CPXM2: variants seen among roughly 807,000 people sequenced by gnomAD.
CPXM2 encodes carboxypeptidase X, M14 family member 2.
In CPXM2, 66 loss-of-function variants were observed where a neutral mutation model predicts 86.1. The observed-to-expected ratio is 0.77, with a 90% CI of 0.63 to 0.94. The LOEUF is 0.94. Ranked by LOEUF, CPXM2 falls within the 40% of genes least tolerant of loss-of-function variation. The pLI is 0.00. For missense variants in CPXM2, 948 were observed against 1,026.3 expected (o/e 0.92, Z 1.04); for synonymous variants, 388 against 400.2 (o/e 0.97, Z 0.36).
At chr10:123,835,163 C>G (rs1297889643) in intron 4 of CPXM2, among the ~76,000 whole-genome samples, 1 of 152,188 alleles carries the variant, frequency 6.6e-6, no homozygotes, top group East Asian at 1.9e-4. Context: ...GGGAAGGAGG[C>G]CCACAGCAAG....
chr10:123,893,668 A>G (rs28624661), upstream of CPXM2, among the ~76,000 whole-genome samples: 62,290 of 131,568 alleles, frequency 0.47, 14,293 homozygotes, highest in African/African-American at 0.62. Context: ...CTGGATCCCC[A>G]CCCACCCTCC....
intron 7 of CPXM2, among the ~76,000 whole-genome samples, chr10:123,772,327 T>C (rs1194584068): frequency 6.6e-6 from 1 of 151,908 alleles, no homozygotes. Context: ...TGGTCATGGT[T>C]ATCACTCCCC....
intron 2 of CPXM2, among the ~76,000 whole-genome samples, chr10:123,925,709 G>A (rs965757708): frequency 2.6e-5 from 4 of 152,060 alleles, no homozygotes; most frequent in African/African-American, 9.7e-5. Context: ...ACCACACCAT[G>A]TTTCTGTCTT....
intron 2 of CPXM2, among the ~76,000 whole-genome samples, chr10:123,936,022 C>T (rs1418216551): frequency 2.0e-3 from 2 of 976 alleles, no homozygotes; most frequent in African/African-American, 9.8e-3. Flanking sequence ...ATCATCACCA[C>T]CACCAACACC....
Position 123,797,979 on chromosome 10 carries a change from G to A in CPXM2, c.886C>T (p.Pro296Ser). 2 of 1,598,432 alleles carry A rather than the reference G, an allele frequency of 1.3e-6. No homozygotes were observed. Among genetic ancestry groups the A allele is most frequent in the Non-Finnish European group, 1.7e-6 (2 of 1,172,478 alleles). Residue 296 changes from proline (P) to serine (S), a missense_variant, in exon 6 of 14, where the codon CCA (proline) becomes TCA (serine). Pro to Ser is a moderately conservative substitution (Grantham distance 74, BLOSUM62 -1). Transcript: ENST00000241305. ...MRMEILGCPLPDPNNYYHRRN... is the reference protein window; with the variant it reads ...MRMEILGCPLSDPNNYYHRRN... Reference sequence around the variant, plus strand: ...AAGCACAGGAGGGTGAACTCACCTGGCAGTGGGCAGCCCAGGATCTCCATT... The same window carrying A: ...AAGCACAGGAGGGTGAACTCACCTGACAGTGGGCAGCCCAGGATCTCCATT...
At chr10:123,916,384 C>T (rs570168820) in intron 2 of CPXM2, among the ~76,000 whole-genome samples, 32 of 152,238 alleles carry the variant, frequency 2.1e-4, no homozygotes, top group African/African-American at 7.5e-4. Flanking sequence ...GCTTCTGTGT[C>T]CAGGTCTGCA....
At chr10:123,861,802 A>G (rs1848853785) in intron 3 of CPXM2, among the ~76,000 whole-genome samples, 1 of 152,224 alleles carries the variant, frequency 6.6e-6, no homozygotes, top group South Asian at 2.1e-4. Context: ...TAGCCCAAGG[A>G]GACGTCTGTC....
At chr10:123,931,951 G>T (rs1945669810) in intron 2 of CPXM2, among the ~76,000 whole-genome samples, 1 of 152,178 alleles carries the variant, frequency 6.6e-6, no homozygotes, top group African/African-American at 2.4e-5. Flanking sequence ...TTACTATGAA[G>T]TAAAAAGCAA....
rs978085061 is a variant in CPXM2, at chr10:123,757,123, A to C, written c.1917+90T>G. The C allele has an allele frequency of 2.5e-5, 30 of 1,223,514 alleles. No homozygotes were observed. In the Admixed American group the frequency reaches 4.1e-4, roughly 17 times the overall value. 75.8% of individuals were successfully genotyped at this position (1,223,514 alleles called of 1,614,324 possible). On this transcript the variant is annotated intron_variant, in intron 12 of 13. Coordinates refer to ENST00000241305, the MANE Select transcript of CPXM2 (RefSeq NM_198148.3). ...GCCCAGGATGACGGCCAAGGTCTGA[A>C]GCTCTAATTCCATCCCATACTTTCA...
chr10:123,887,893 G>T (rs1345898982), intron 1 of CPXM2, among the ~76,000 whole-genome samples: 1 of 152,122 alleles, frequency 6.6e-6, no homozygotes, highest in African/African-American at 2.4e-5. Flanking sequence ...CAAAATAAAA[G>T]CTTAAATAAA....
chr10:123,895,126 T>C (rs1336057881), upstream of CPXM2, among the ~76,000 whole-genome samples: 4 of 115,566 alleles, frequency 3.5e-5, no homozygotes, highest in Non-Finnish European at 5.7e-5. Flanking sequence ...TTTTTCTTTT[T>C]TTTTTTTTTT....
rs556107695 is a variant in CPXM2, at chr10:123,934,365, G to T, written n.174+5112C>A. On this transcript the variant is annotated intron_variant and non_coding_transcript_variant, in intron 2 of 19. Transcript: ENST00000368854. ...TCTGTCCCTGCCCCTCCCAGGCTCCGCTGGCTCCTGGTATCCCTTGCCTTT... is the reference window on the plus strand; with the variant it reads ...TCTGTCCCTGCCCCTCCCAGGCTCCTCTGGCTCCTGGTATCCCTTGCCTTT... 8.5e-5 allele frequency among the ~76,000 whole-genome samples: 13 copies of T among 152,074 alleles called. No individual in the cohort carries two copies. In the South Asian group the frequency reaches 2.1e-3, roughly 24 times the overall value.
chr10:123,911,942 G>A lies in CPXM2; in HGVS notation n.174+27535C>T, dbSNP rs144404993. Among the ~76,000 whole-genome samples, 1,270 of 152,268 alleles carry A rather than the reference G, an allele frequency of 8.3e-3. 20 individuals carry two copies. Among genetic ancestry groups the A allele is most frequent in the African/African-American group, 0.029 (1,220 of 41,546 alleles). ...AAGGCAGAAGGAGAGACTGAGGCAAGCTTCAGAGCAGGAGTGAAAGTTTAT... is the reference window on the plus strand; with the variant it reads ...AAGGCAGAAGGAGAGACTGAGGCAAACTTCAGAGCAGGAGTGAAAGTTTAT... On this transcript the variant is annotated intron_variant and non_coding_transcript_variant, in intron 2 of 19. Transcript: ENST00000368854.
chr10:123,795,997 A>G (rs1340534398), intron 6 of CPXM2, among the ~76,000 whole-genome samples: 1 of 152,164 alleles, frequency 6.6e-6, no homozygotes, highest in Non-Finnish European at 1.5e-5. Context: ...TGAGCAGAAT[A>G]GGAGAGCAAG....
intron 7 of CPXM2, among the ~76,000 whole-genome samples, chr10:123,771,796 A>AT (rs1353783533): frequency 2.0e-5 from 3 of 152,128 alleles, no homozygotes; most frequent in Non-Finnish European, 4.4e-5. Flanking sequence ...TCTGATAGTG[A>AT]GTTCTCACAA....
intron 6 of CPXM2, among the ~76,000 whole-genome samples, chr10:123,794,550 G>C (rs1250279059): frequency 6.6e-6 from 1 of 152,086 alleles, no homozygotes. Context: ...CCAGTCAGCT[G>C]GCACAGTTCT....
At chr10:123,857,550 G>A (rs1412666614) in intron 3 of CPXM2, among the ~76,000 whole-genome samples, 1 of 137,676 alleles carries the variant, frequency 7.3e-6, no homozygotes, top group Non-Finnish European at 1.6e-5. Flanking sequence ...AGCGATGGAA[G>A]GCGGCGTGGA....
Position 123,891,799 on chromosome 10 carries a change from T to C in CPXM2, c.-140A>G, listed in dbSNP as rs1461845247. 4.8e-6 allele frequency: 2 copies of C among 420,308 alleles called. No homozygotes were observed. Among genetic ancestry groups the C allele is most frequent in the Non-Finnish European group, 6.9e-6 (2 of 289,822 alleles). The allele number at this position is 420,308 out of a possible 1,614,324, so 26.0% of individuals were successfully genotyped here. ...TGGGCGCGGGAGGCGGCCGGCTGGCTGCGCGTGTGACCGGCCCGCGGGGCT... is the reference window on the plus strand; with the variant it reads ...TGGGCGCGGGAGGCGGCCGGCTGGCCGCGCGTGTGACCGGCCCGCGGGGCT... On this transcript the variant is annotated 5_prime_UTR_variant, in exon 1 of 14. Coordinates refer to ENST00000241305, the MANE Select transcript of CPXM2 (RefSeq NM_198148.3). This position sits in a 1 kb window ranked among gnomAD's most constrained non-coding sequence, Gnocchi z 5.6.
intron 3 of CPXM2, 21 bp downstream of exon 3, chr10:123,862,593 T>TCCAA (rs751267725): frequency 6.2e-7 from 1 of 1,607,748 alleles, no homozygotes; most frequent in South Asian, 1.1e-5. Flanking sequence ...TCAAAATCCT[T>TCCAA]CCAACCACAG....
Sources: gnomAD v4.1 joint callset for allele counts (sites outside exome capture counted in the v4.1 genomes callset) on GRCh38, gnomAD v4.1.1 for gene constraint, Gnocchi (gnomAD v3.1) non-coding constraint, MANE v1.5 for transcripts, NCBI Gene and HGNC (gene_info 2026-07-23, HGNC 2026-07-21) for gene names.